Variants in TCF7L2 observed in about 807,000 individuals in gnomAD.
TCF7L2 encodes transcription factor 7 like 2, also known as transcription factor 7-like 2.
TCF7L2 carries 23 observed loss-of-function variants against 77.9 expected under a neutral mutation model. The observed-to-expected ratio is 0.30, with a 90% CI of 0.21 to 0.42. The LOEUF is 0.42. Among genes scored for constraint, TCF7L2 ranks in the 10% least tolerant of loss-of-function variants. The probability of loss-of-function intolerance (pLI) is 1.00; values close to 1 mark genes in which losing one functional copy is unlikely to be tolerated. For missense variants in TCF7L2, 654 were observed against 793.1 expected (o/e 0.82, Z 2.11); for synonymous variants, 413 against 340.2 (o/e 1.21, Z -2.36).
chr10:113,117,868 C>T (rs1284213614), intron 5 of TCF7L2, among the ~76,000 whole-genome samples: 1 of 152,268 alleles, frequency 6.6e-6, no homozygotes, highest in South Asian at 2.1e-4. Flanking sequence ...GCCACAAGTC[C>T]GAGGCGGTTG....
chr10:113,146,315 A>G lies in TCF7L2; in HGVS notation c.875+218A>G, dbSNP rs1473830168. On this transcript the variant is annotated intron_variant, in intron 8 of 13. Transcript: ENST00000627217. ...TCTGGGTAAAATTTTTGAGTCACTCAGTTGAACAATGTATTTTAATGAATT... is the reference window on the plus strand; with the variant it reads ...TCTGGGTAAAATTTTTGAGTCACTCGGTTGAACAATGTATTTTAATGAATT... Among the ~76,000 whole-genome samples, 3 of 152,252 alleles carry G rather than the reference A, an allele frequency of 2.0e-5. No homozygotes were observed. In the South Asian group the frequency reaches 6.2e-4, roughly 32 times the overall value.
intron 8 of TCF7L2, among the ~76,000 whole-genome samples, chr10:113,147,793 G>A (rs2069793429): frequency 6.6e-6 from 1 of 152,086 alleles, no homozygotes; most frequent in African/African-American, 2.4e-5. Flanking sequence ...TGTAGGATAG[G>A]GATTGGGGTT....
rs139233150 is a variant in TCF7L2, at chr10:113,082,952, C to T, written c.552+42826C>T. Among the ~76,000 whole-genome samples the T allele has an allele frequency of 2.8e-3, 423 of 151,964 alleles. 2 individuals carry two copies. The highest frequency in any genetic ancestry group is 9.2e-3 in the African/African-American group (382 of 41,450). On this transcript the variant is annotated intron_variant, in intron 5 of 13. Coordinates refer to ENST00000627217, the MANE Select transcript of TCF7L2 (RefSeq NM_001146274.2). ...ACTGAGGCCCCATGCTCTGTCTGTG[C>T]GAGGTTAAGGAGGGGTGAGCAGTGC...
At position 112,958,299 on chromosome 10, in the gene TCF7L2, C is replaced by T. The variant is rs1013529522; in HGVS notation, c.382-6257C>T. ...ATCAGCCCTGAAGGAGTTAAAATTGCTCCCTAAAGTTTGGCATCATGAAAA... is the reference window on the plus strand; with the variant it reads ...ATCAGCCCTGAAGGAGTTAAAATTGTTCCCTAAAGTTTGGCATCATGAAAA... On this transcript the variant is annotated intron_variant, in intron 3 of 13. Transcript: ENST00000627217. Among the ~76,000 whole-genome samples, 5 of 152,184 alleles carry T rather than the reference C, an allele frequency of 3.3e-5. No homozygotes were observed. In the South Asian group the frequency reaches 8.3e-4, roughly 25 times the overall value.
At chr10:113,141,018 T>C (rs969305194) in intron 5 of TCF7L2, among the ~76,000 whole-genome samples, 166 bp from the exon 6 acceptor site, 4 of 152,168 alleles carry the variant, frequency 2.6e-5, no homozygotes, top group African/African-American at 9.7e-5. Flanking sequence ...CAACTATCTA[T>C]TATTTTCACA....
intron 3 of TCF7L2, among the ~76,000 whole-genome samples, chr10:112,961,267 C>CCCA (rs1373650585): frequency 7.5e-6 from 1 of 132,526 alleles, no homozygotes; most frequent in African/African-American, 3.0e-5. Context: ...CCCCCCCCCC[C>CCCA]AACCTCGGCC....
intron 4 of TCF7L2, among the ~76,000 whole-genome samples, chr10:112,971,916 AT>A (rs993023597): frequency 1.4e-4 from 20 of 139,404 alleles, no homozygotes; most frequent in Admixed American, 1.4e-3. Flanking sequence ...CCTGGCCGTC[AT>A]TTTTTTCTTT....
At chr10:113,122,666 C>T (rs989990689) in intron 5 of TCF7L2, among the ~76,000 whole-genome samples, 5 of 152,140 alleles carry the variant, frequency 3.3e-5, no homozygotes, top group African/African-American at 1.2e-4. Flanking sequence ...AAAAAAGAGG[C>T]TACTTCTATT....
intron 4 of TCF7L2, among the ~76,000 whole-genome samples, chr10:113,000,473 G>A (rs1351784202): frequency 1.3e-5 from 2 of 152,156 alleles, no homozygotes; most frequent in African/African-American, 2.4e-5. Context: ...TCTTTTTAAA[G>A]GTGAGGAATT....
At chr10:113,161,602 T>C in intron 13 of TCF7L2, 1 of 1,536,148 alleles carries the variant, frequency 6.5e-7, no homozygotes, top group Non-Finnish European at 8.7e-7. Context: ...AATATTACAA[T>C]GGTAGGTATT....
At chr10:113,007,796 T>G (rs1214024423) in intron 4 of TCF7L2, among the ~76,000 whole-genome samples, 1 of 152,192 alleles carries the variant, frequency 6.6e-6, no homozygotes, top group Non-Finnish European at 1.5e-5. Context: ...AGAGAGGATC[T>G]GGGGAGGGGA....
Position 112,962,142 on chromosome 10 carries a change from A to G in TCF7L2, c.382-2414A>G, listed in dbSNP as rs184735800. 2.9e-3 allele frequency among the ~76,000 whole-genome samples: 442 copies of G among 152,274 alleles called. 1 individual carries two copies. The Middle Eastern group carries it at 0.034, about 12-fold the overall frequency. On this transcript the variant is annotated intron_variant, in intron 3 of 13. Transcript: ENST00000627217. ...TTAATTTATTCATAAGATTGTGACT[A>G]TATGAATTTTTTTCAACAACATATC... is the stretch of plus-strand genomic sequence containing the variant.
chr10:113,005,785 A>G (rs1425021152), intron 4 of TCF7L2, among the ~76,000 whole-genome samples: 1 of 152,130 alleles, frequency 6.6e-6, no homozygotes, highest in African/African-American at 2.4e-5. Flanking sequence ...TAAGGAAGGA[A>G]AGAAAAAAAA....
rs2070825806 is a variant in TCF7L2 at position 113,151,948 on chromosome 10, T to A, written c.1161+64T>A. 1.3e-6 allele frequency: 2 copies of A among 1,537,516 alleles called. No individual in the cohort carries two copies. Among genetic ancestry groups the A allele is most frequent in the African/African-American group, 1.4e-5 (1 of 71,918 alleles). ...TGGTGAGGGACCAGAGTGCAGCAGG[T>A]CAGGTGGCAGAATGTCTCTGTCCCC... On this transcript the variant is annotated intron_variant, in intron 10 of 13. Coordinates refer to ENST00000627217, the MANE Select transcript of TCF7L2 (RefSeq NM_001146274.2). This position sits in a 1 kb window ranked among gnomAD's most constrained non-coding sequence, Gnocchi z 5.2.
intron 4 of TCF7L2, among the ~76,000 whole-genome samples, chr10:112,993,437 T>C (rs531630599): frequency 2.0e-4 from 30 of 146,988 alleles, no homozygotes; most frequent in African/African-American, 7.6e-4. Context: ...ACCCAGGAGG[T>C]AGAAGTTGCA....
rs199917515 is a variant in TCF7L2, at chr10:113,088,137, C to CT, written c.552+48020dup. ...ATGAACATAAAGGGCATAGCTATTTCTTTTTTTTTAAAAAGAAACGTAGAA... is the reference window on the plus strand; with the variant it reads ...ATGAACATAAAGGGCATAGCTATTTCTTTTTTTTTTAAAAAGAAACGTAGAA... On this transcript the variant is annotated intron_variant, in intron 5 of 13. Transcript: ENST00000627217. 8.4e-3 allele frequency among the ~76,000 whole-genome samples: 1,268 copies of CT among 151,594 alleles called. 4 individuals are homozygous for CT. Among genetic ancestry groups the CT allele is most frequent in the South Asian group, 0.015 (72 of 4,782 alleles).
chr10:113,045,804 G>A, intron 5 of TCF7L2, among the ~76,000 whole-genome samples: 1 of 152,114 alleles, frequency 6.6e-6, no homozygotes, highest in Non-Finnish European at 1.5e-5. Context: ...CTATGACTCA[G>A]CCAGACTCTC....
At chr10:113,099,448 C>T (rs1288360185) in intron 5 of TCF7L2, among the ~76,000 whole-genome samples, 13 of 152,162 alleles carry the variant, frequency 8.5e-5, no homozygotes, top group African/African-American at 1.4e-4. Context: ...GCATCCAAGC[C>T]GCCTGCACCA....
chr10:113,090,456 C>T (rs1564880920), intron 5 of TCF7L2, among the ~76,000 whole-genome samples: 2 of 152,166 alleles, frequency 1.3e-5, no homozygotes, highest in African/African-American at 2.4e-5. Flanking sequence ...TACATATGTA[C>T]ATAAGTCTTG....
Sources: allele counts gnomAD v4.1 joint callset (sites outside exome capture counted in the v4.1 genomes callset), GRCh38; gene constraint gnomAD v4.1.1; non-coding constraint Gnocchi (gnomAD v3.1); transcripts MANE v1.5; gene names NCBI Gene and HGNC (gene_info 2026-07-23, HGNC 2026-07-21).